The following NCKAP5 variants were observed in gnomAD, a reference collection of about 807,000 sequenced individuals.
The protein encoded by NCKAP5 is nck-associated protein 5.
Under a neutral mutation model 167.0 loss-of-function variants are expected in NCKAP5, and 92 were observed. That is an observed-to-expected ratio of 0.55 (90% CI 0.47 to 0.66). The LOEUF (loss-of-function observed/expected upper bound fraction) is 0.66. NCKAP5 is among the 30% of genes least tolerant of loss of function. The pLI, the probability that NCKAP5 is intolerant of heterozygous loss-of-function variation, is 0.00. For synonymous variants in NCKAP5, 891 were observed against 877.4 expected (o/e 1.02, Z -0.27); for missense variants, 2,378 against 2,315.0 (o/e 1.03, Z -0.56).
chr2:133,325,826 A>G (rs1682397570), intron 3 of NCKAP5, among the ~76,000 whole-genome samples: 1 of 152,098 alleles, frequency 6.6e-6, no homozygotes, highest in Non-Finnish European at 1.5e-5. Flanking sequence ...TGGCCTCCCA[A>G]CTTCAGCATT....
chr2:133,265,548 G>A (rs1329203479), intron 4 of NCKAP5, among the ~76,000 whole-genome samples: 1 of 152,194 alleles, frequency 6.6e-6, no homozygotes, highest in Non-Finnish European at 1.5e-5. Context: ...AGCCAGTTTG[G>A]GGGCTGAGCT....
At chr2:132,905,011 T>C (rs1693901673) in intron 8 of NCKAP5, among the ~76,000 whole-genome samples, 1 of 152,240 alleles carries the variant, frequency 6.6e-6, no homozygotes, top group Non-Finnish European at 1.5e-5. Flanking sequence ...ATTTCCTTCA[T>C]TGATTTTGTA....
chr2:133,279,616 A>G (rs2089866228), intron 4 of NCKAP5, among the ~76,000 whole-genome samples: 1 of 152,192 alleles, frequency 6.6e-6, no homozygotes, highest in Non-Finnish European at 1.5e-5. Context: ...TAATAATTAA[A>G]CCTCTATGAC....
chr2:133,441,370 C>T (rs970045437), intron 3 of NCKAP5, among the ~76,000 whole-genome samples: 4 of 152,286 alleles, frequency 2.6e-5, no homozygotes, highest in Non-Finnish European at 5.9e-5. Flanking sequence ...AGGAAAAGAT[C>T]TAGACTCAGA....
intron 11 of NCKAP5, among the ~76,000 whole-genome samples, chr2:132,818,556 C>T (rs553255097): frequency 6.6e-6 from 1 of 152,290 alleles, no homozygotes; most frequent in South Asian, 2.1e-4. Flanking sequence ...GGCATGGTGG[C>T]GTGCGCCTGT....
At chr2:133,171,510 C>T (rs1346724281) in intron 5 of NCKAP5, among the ~76,000 whole-genome samples, 1 of 152,156 alleles carries the variant, frequency 6.6e-6, no homozygotes, top group African/African-American at 2.4e-5. Context: ...CCATCATGCC[C>T]AGAGCACTAT....
chr2:133,505,740 G>T (rs1682947082), intron 3 of NCKAP5, among the ~76,000 whole-genome samples: 1 of 152,118 alleles, frequency 6.6e-6, no homozygotes. Flanking sequence ...TGCATTACAG[G>T]GCATCTATTT....
intron 3 of NCKAP5, among the ~76,000 whole-genome samples, chr2:133,402,359 G>A (rs1262448955): frequency 6.6e-6 from 1 of 152,168 alleles, no homozygotes; most frequent in Non-Finnish European, 1.5e-5. Context: ...ACAGGATTTG[G>A]TAACTGATAA....
At position 132,817,090 on chromosome 2, in the gene NCKAP5, C is replaced by T. The variant is rs112399658; in HGVS notation, c.808-20361G>A. ...ACAACTTCTTTCTTACTGATTTTACCGAGGACCAAGATAGACTATGCCACA... is the reference window on the plus strand; with the variant it reads ...ACAACTTCTTTCTTACTGATTTTACTGAGGACCAAGATAGACTATGCCACA... On this transcript the variant is annotated intron_variant, in intron 11 of 19. Coordinates refer to ENST00000409261, the MANE Select transcript of NCKAP5 (RefSeq NM_207363.3). 1.1e-4 allele frequency among the ~76,000 whole-genome samples: 16 copies of T among 152,230 alleles called. No individual in the cohort carries two copies. In the East Asian group the frequency reaches 1.7e-3, roughly 17 times the overall value.
intron 2 of NCKAP5, among the ~76,000 whole-genome samples, 187 bp from the exon 3 acceptor site, chr2:133,517,774 G>A (rs1025165019): frequency 2.0e-5 from 3 of 152,114 alleles, no homozygotes; most frequent in Admixed American, 6.5e-5. Flanking sequence ...TCTTTATGGC[G>A]GCCCCTGTGT....
chr2:133,081,497 C>T (rs1212327853), intron 6 of NCKAP5, among the ~76,000 whole-genome samples: 1 of 152,140 alleles, frequency 6.6e-6, no homozygotes, highest in African/African-American at 2.4e-5. Flanking sequence ...TCCCTTGCAT[C>T]CAAGCTAACA....
At chr2:133,285,369 T>G (rs1045683544) in intron 4 of NCKAP5, among the ~76,000 whole-genome samples, 1 of 152,250 alleles carries the variant, frequency 6.6e-6, no homozygotes, top group African/African-American at 2.4e-5. Flanking sequence ...GATTTTCAAA[T>G]GCTAACTTTA....
At chr2:132,765,525 G>A (rs1210908588) in intron 16 of NCKAP5, among the ~76,000 whole-genome samples, 1 of 151,798 alleles carries the variant, frequency 6.6e-6, no homozygotes, top group African/African-American at 2.4e-5. Flanking sequence ...ATGTTGGCCA[G>A]GATGGTCTCC....
chr2:133,218,575 G>A (rs1403305006), intron 4 of NCKAP5, among the ~76,000 whole-genome samples: 1 of 152,190 alleles, frequency 6.6e-6, no homozygotes, highest in Non-Finnish European at 1.5e-5. Context: ...GACAGATACG[G>A]AACTAGGAAT....
chr2:133,088,785 C>T (rs1341762265), intron 6 of NCKAP5, among the ~76,000 whole-genome samples: 1 of 152,030 alleles, frequency 6.6e-6, no homozygotes, highest in Non-Finnish European at 1.5e-5. Flanking sequence ...ACGATATGTA[C>T]AGAGAAATGC....
intron 3 of NCKAP5, among the ~76,000 whole-genome samples, chr2:133,414,140 TCAGGA>T: frequency 6.6e-6 from 1 of 152,288 alleles, no homozygotes. Flanking sequence ...CTGTCATAAC[TCAGGA>T]GCCACATAAA....
chr2:133,185,443 C>T (rs74467666), intron 5 of NCKAP5, among the ~76,000 whole-genome samples: 9,015 of 151,872 alleles, frequency 0.059, 302 homozygotes, highest in African/African-American at 0.083. Flanking sequence ...TGACTATTTA[C>T]GCTCTTTTTT....
intron 19 of NCKAP5, among the ~76,000 whole-genome samples, chr2:132,692,225 C>T (rs1439066589): frequency 6.6e-6 from 1 of 151,850 alleles, no homozygotes; most frequent in Non-Finnish European, 1.5e-5. Context: ...TCACTGCAAC[C>T]TCCACCTCCC....
chr2:133,641,528 C>A, the NCKAP5 span, among the ~76,000 whole-genome samples: 1 of 152,222 alleles, frequency 6.6e-6, no homozygotes, highest in African/African-American at 2.4e-5. Flanking sequence ...CAGAGTCAGG[C>A]ACCAACTATC....
Sources: allele counts gnomAD v4.1 joint callset (sites outside exome capture counted in the v4.1 genomes callset), GRCh38; gene constraint gnomAD v4.1.1; transcripts MANE v1.5; gene names NCBI Gene and HGNC (gene_info 2026-07-23, HGNC 2026-07-21).